The following TIAM2 variants were observed in gnomAD, a reference collection of about 807,000 sequenced individuals.
TIAM2 encodes the protein rho guanine nucleotide exchange factor TIAM2.
A neutral mutation model predicts 152.9 loss-of-function variants in TIAM2; 80 were observed. The ratio of observed to expected loss-of-function variants is 0.52; its 90% CI spans 0.44 to 0.63. The LOEUF is 0.63. Among genes scored for constraint, TIAM2 ranks in the 30% least tolerant of loss-of-function variants. The pLI is 0.00. For missense variants in TIAM2, 1,965 were observed against 2,120.1 expected (o/e 0.93, Z 1.44); for synonymous variants, 804 against 838.0 (o/e 0.96, Z 0.70).
At chr6:155,177,977 C>T (rs180831050) in intron 10 of TIAM2, among the ~76,000 whole-genome samples, 18 of 151,916 alleles carry the variant, frequency 1.2e-4, no homozygotes, top group East Asian at 9.7e-4. Context: ...CTGGCTAACA[C>T]GGTGAAACCC....
intron 15 of TIAM2, among the ~76,000 whole-genome samples, chr6:155,231,516 C>G (rs909598074): frequency 6.6e-6 from 1 of 152,212 alleles, no homozygotes; most frequent in African/African-American, 2.4e-5. Context: ...TAACTCCCAC[C>G]ACACCCTGCC....
intron 14 of TIAM2, among the ~76,000 whole-genome samples, chr6:155,203,048 C>CAAAAA (rs59836931): frequency 7.6e-5 from 6 of 78,878 alleles, no homozygotes; most frequent in African/African-American, 3.4e-4. Context: ...AACTCTGTCT[C>CAAAAA]AAAAAAAAAA....
chr6:155,103,248 T>C (rs1441213854), intron 2 of TIAM2, among the ~76,000 whole-genome samples: 4 of 152,084 alleles, frequency 2.6e-5, no homozygotes, highest in Non-Finnish European at 4.4e-5. Context: ...ACTTTATAAA[T>C]TCATAGAACT....
chr6:155,248,340 G>A (rs1461646749), intron 20 of TIAM2, among the ~76,000 whole-genome samples, 161 bp downstream of exon 20: 1 of 152,236 alleles, frequency 6.6e-6, no homozygotes, highest in Non-Finnish European at 1.5e-5. Flanking sequence ...ACGTGAATAT[G>A]TGAAACTAGC....
At chr6:155,026,851 G>T (rs1583156716) in intron 1 of TIAM2, among the ~76,000 whole-genome samples, 1 of 152,270 alleles carries the variant, frequency 6.6e-6, no homozygotes, top group Non-Finnish European at 1.5e-5. Flanking sequence ...CTGGGCTACT[G>T]CTGGTTTTAC....
chr6:155,061,022 A>G (rs2114938115), intron 1 of TIAM2, among the ~76,000 whole-genome samples: 1 of 148,374 alleles, frequency 6.7e-6, no homozygotes, highest in South Asian at 2.1e-4. Context: ...TTCCAGAATC[A>G]GCCATTTCTC....
In TIAM2 at chr6:155,244,887, T is replaced by C. The variant is rs1452245201; in HGVS notation, c.3543+104T>C. 4 of 1,354,380 alleles carry C rather than the reference T, an allele frequency of 3.0e-6. No homozygotes were observed. The East Asian group carries it at 7.2e-5, about 24-fold the overall frequency. The allele number at this position is 1,354,380 out of a possible 1,614,324, so 83.9% of individuals were successfully genotyped here. A position where few individuals can be genotyped will look rare whatever the true frequency, so the allele number is the denominator to read the frequency against. Reference sequence around the variant, plus strand: ...GAAAGAATTTCTTGTCCTGTGACTATTGACTATTTATTGTCCTGTGACTAT... The same window carrying C: ...GAAAGAATTTCTTGTCCTGTGACTACTGACTATTTATTGTCCTGTGACTAT... On this transcript the variant is annotated intron_variant, in intron 18 of 26. Coordinates refer to ENST00000682666, the MANE Select transcript of TIAM2 (RefSeq NM_012454.4).
At position 155,089,314 on chromosome 6, in the gene TIAM2, C is replaced by T. The variant is rs1423856414; in HGVS notation, c.-208-975C>T. 2.6e-5 allele frequency among the ~76,000 whole-genome samples: 4 copies of T among 152,110 alleles called. No individual in the cohort carries two copies. The South Asian group carries it at 8.3e-4, about 32-fold the overall frequency. On this transcript the variant is annotated intron_variant, in intron 1 of 26. Coordinates refer to ENST00000682666, the MANE Select transcript of TIAM2 (RefSeq NM_012454.4). ...CTCATTGCAACCTCTGCCTCCAATT[C>T]TCCTGCCTCAGCCTCCCAAGTAGTG... is the stretch of plus-strand genomic sequence containing the variant.
intron 1 of TIAM2, among the ~76,000 whole-genome samples, chr6:155,087,073 G>A (rs1320553724): frequency 2.0e-5 from 3 of 152,178 alleles, no homozygotes; most frequent in African/African-American, 7.2e-5. Flanking sequence ...ACCCTGTGAG[G>A]TTCGGGGTAT....
intron 7 of TIAM2, among the ~76,000 whole-genome samples, chr6:155,151,357 G>C (rs1053347797): frequency 1.3e-5 from 2 of 152,198 alleles, no homozygotes; most frequent in Middle Eastern, 3.2e-3. Context: ...ACAGATTTGG[G>C]CATTCTGGCA....
At position 155,257,187 on chromosome 6, in the gene TIAM2, TTG is replaced by T; in HGVS notation, c.*67_*68del. On this transcript the variant is annotated 3_prime_UTR_variant, in exon 27 of 27. Coordinates refer to ENST00000682666, the MANE Select transcript of TIAM2 (RefSeq NM_012454.4). ...TTTTAAACTGGTGGTAAAGTGGAAA[TTG>T]CAAAAAAAAAAAAAAAAAAAAACTG... 1 of 1,036,044 alleles carries T rather than the reference TTG, an allele frequency of 9.7e-7. No individual in the cohort carries two copies. The highest frequency in any genetic ancestry group is 1.9e-5 in the South Asian group (1 of 52,574). 64.2% of individuals were successfully genotyped at this position (1,036,044 alleles called of 1,614,324 possible). A position where few individuals can be genotyped will look rare whatever the true frequency, so the allele number is the denominator to read the frequency against.
intron 1 of TIAM2, among the ~76,000 whole-genome samples, chr6:155,029,492 A>AC (rs1776765582): frequency 1.5e-4 from 4 of 27,174 alleles, no homozygotes; most frequent in African/African-American, 5.2e-4. Context: ...ATACTATAGT[A>AC]TATATTATAT....
At chr6:155,101,977 C>T (rs1285318478) in intron 2 of TIAM2, among the ~76,000 whole-genome samples, 1 of 151,586 alleles carries the variant, frequency 6.6e-6, no homozygotes, top group African/African-American at 2.4e-5. Context: ...GCTGGGATTA[C>T]AGGCATGAGC....
intron 1 of TIAM2, among the ~76,000 whole-genome samples, chr6:155,009,993 C>T (rs1362008664): frequency 2.6e-5 from 4 of 152,096 alleles, no homozygotes; most frequent in African/African-American, 7.2e-5. Flanking sequence ...GCTGGGACTA[C>T]AGGCGCCCGC....
intron 14 of TIAM2, among the ~76,000 whole-genome samples, chr6:155,202,466 T>C (rs939191021): frequency 3.3e-5 from 5 of 152,216 alleles, no homozygotes; most frequent in African/African-American, 1.2e-4. Flanking sequence ...TCGCCTAGGC[T>C]GGAGTGCAAT....
At position 155,129,077 on chromosome 6, in the gene TIAM2, T is replaced by C; in HGVS notation, c.-6-141T>C. 1.4e-6 allele frequency: 1 copy of C among 718,252 alleles called. No individual in the cohort carries two copies. The highest frequency in any genetic ancestry group is 1.9e-5 in the South Asian group (1 of 51,762). 44.5% of individuals were successfully genotyped at this position (718,252 alleles called of 1,614,324 possible). A position where few individuals can be genotyped will look rare whatever the true frequency, so the allele number is the denominator to read the frequency against. On this transcript the variant is annotated intron_variant, in intron 3 of 26. Coordinates refer to ENST00000682666, the MANE Select transcript of TIAM2 (RefSeq NM_012454.4). The surrounding 1 kb of genome is among the most constrained non-coding windows in gnomAD (Gnocchi z 4.8). The stretch of plus-strand genomic sequence containing the variant: ...AATAAGGAGAGCCTGTTCTACTGAC[T>C]GACTCTTGTCCCTACTCCTCTGAGT...
At chr6:155,104,038 ACACC>A (rs748216157) in intron 2 of TIAM2, among the ~76,000 whole-genome samples, 2 of 79,910 alleles carry the variant, frequency 2.5e-5, no homozygotes, top group Non-Finnish European at 4.5e-5. Flanking sequence ...TCACACACAC[ACACC>A]CCCCCCCCCA....
chr6:155,109,752 C>T (rs188129515), intron 2 of TIAM2, among the ~76,000 whole-genome samples: 9 of 152,136 alleles, frequency 5.9e-5, no homozygotes, highest in South Asian at 2.1e-4. Flanking sequence ...AGAACTGAAG[C>T]GACTTGTCCG....
At chr6:155,135,847 T>C (rs1400022708) in intron 4 of TIAM2, among the ~76,000 whole-genome samples, 1 of 152,132 alleles carries the variant, frequency 6.6e-6, no homozygotes, top group East Asian at 1.9e-4. Flanking sequence ...TGTGAATGAA[T>C]AAATGGGTAT....
Sources: allele counts gnomAD v4.1 joint callset (sites outside exome capture counted in the v4.1 genomes callset), GRCh38; gene constraint gnomAD v4.1.1; non-coding constraint Gnocchi (gnomAD v3.1); transcripts MANE v1.5; gene names NCBI Gene and HGNC (gene_info 2026-07-23, HGNC 2026-07-21).